Variants in LRFN5 observed in about 807,000 individuals in gnomAD.
LRFN5 encodes the protein leucine rich repeat and fibronectin type III domain containing 5, also known as leucine-rich repeat and fibronectin type-III domain-containing protein 5.
LRFN5 carries 24 observed loss-of-function variants against 45.6 expected under a neutral mutation model. The observed-to-expected ratio is 0.53, with a 90% CI of 0.38 to 0.74. The LOEUF (loss-of-function observed/expected upper bound fraction) is 0.74. Among genes scored for constraint, LRFN5 ranks in the 30% least tolerant of loss-of-function variants. The probability of loss-of-function intolerance (pLI) is 0.00; values close to 1 mark genes in which losing one functional copy is unlikely to be tolerated. For synonymous variants in LRFN5, 340 were observed against 313.8 expected, an observed-to-expected ratio of 1.08 and a Z score of -0.88; for missense variants, 776 against 861.5, an observed-to-expected ratio of 0.90 and a Z score of 1.24.
At chr14:41,826,641 C>A (rs1034899071) in intron 2 of LRFN5, among the ~76,000 whole-genome samples, 1 of 152,044 alleles carries the variant, frequency 6.6e-6, no homozygotes, top group Non-Finnish European at 1.5e-5. Flanking sequence ...TAGGTTTATT[C>A]TTGTCACATA....
intron 3 of LRFN5, among the ~76,000 whole-genome samples, chr14:41,889,495 C>T (rs1339886626): frequency 6.6e-6 from 1 of 152,020 alleles, no homozygotes. Context: ...ATGACAAATA[C>T]CCCTCCCCAC....
Position 41,801,229 on chromosome 14 carries a change from T to C in LRFN5, c.-21+34200T>C, listed in dbSNP as rs75001713. ...TATTCAACCACTCCATATCTGCATA[T>C]AAAAAATGGAACAACAATCCTCCCT... On this transcript the variant is annotated intron_variant, in intron 2 of 5. Coordinates refer to ENST00000298119, the MANE Select transcript of LRFN5 (RefSeq NM_152447.5). Among the ~76,000 whole-genome samples the C allele has an allele frequency of 5.9e-4, 89 of 152,126 alleles. No homozygotes were observed. The East Asian group carries it at 0.015, about 25-fold the overall frequency.
chr14:41,707,914 A>G (rs905052532), intron 1 of LRFN5, among the ~76,000 whole-genome samples: 3 of 152,082 alleles, frequency 2.0e-5, no homozygotes, highest in East Asian at 3.9e-4. Flanking sequence ...TAATGAGGGA[A>G]GGTATTGACC....
chr14:41,834,707 G>A (rs547222085), intron 2 of LRFN5, among the ~76,000 whole-genome samples: 1 of 152,102 alleles, frequency 6.6e-6, no homozygotes, highest in South Asian at 2.1e-4. Context: ...TGTTGCCCAG[G>A]CTGGAGTGCA....
At chr14:41,704,442 C>CTGTGTGTGTGTGTGTGTGTGTG (rs1190054164) in intron 1 of LRFN5, among the ~76,000 whole-genome samples, 3 of 127,770 alleles carry the variant, frequency 2.3e-5, no homozygotes, top group African/African-American at 1.1e-4. Flanking sequence ...CTCTCTCTCT[C>CTGTGTGTGTGTGTGTGTGTGTG]TCTCTCTGTG....
chr14:41,676,912 T>C (rs1403369196), intron 1 of LRFN5, among the ~76,000 whole-genome samples: 2 of 152,084 alleles, frequency 1.3e-5, no homozygotes, highest in Non-Finnish European at 2.9e-5. Flanking sequence ...AGGGATGAAA[T>C]ATGCTACACA....
intron 2 of LRFN5, among the ~76,000 whole-genome samples, chr14:41,886,092 T>A (rs193235849): frequency 6.6e-6 from 1 of 150,886 alleles, no homozygotes; most frequent in Admixed American, 6.6e-5. Context: ...AAAAAATTAA[T>A]CAAGAATTTG....
chr14:41,878,629 A>G (rs915665285), intron 2 of LRFN5, among the ~76,000 whole-genome samples: 16 of 152,280 alleles, frequency 1.1e-4, no homozygotes, highest in African/African-American at 3.8e-4. Flanking sequence ...TATTATCTAA[A>G]TGCATCACTA....
chr14:41,772,334 A>G (rs1056695343), intron 2 of LRFN5, among the ~76,000 whole-genome samples: 5 of 152,212 alleles, frequency 3.3e-5, no homozygotes. Context: ...TCTGATAGAT[A>G]TATTTTCATG....
intron 1 of LRFN5, among the ~76,000 whole-genome samples, chr14:41,635,041 A>G (rs1337702511): frequency 6.6e-6 from 1 of 152,120 alleles, no homozygotes; most frequent in African/African-American, 2.4e-5. Flanking sequence ...GAATTATTAT[A>G]CCATTAGAAC....
At chr14:41,815,463 G>A (rs899711992) in intron 2 of LRFN5, among the ~76,000 whole-genome samples, 13 of 152,232 alleles carry the variant, frequency 8.5e-5, no homozygotes, top group African/African-American at 3.1e-4. Context: ...TCTAGATGCG[G>A]TGGCTCACTG....
intron 1 of LRFN5, among the ~76,000 whole-genome samples, chr14:41,611,228 G>T (rs755769382): frequency 7.4e-4 from 113 of 152,312 alleles, no homozygotes; most frequent in Non-Finnish European, 1.1e-3. Flanking sequence ...GGTGCAGATT[G>T]GAGTTAGGTT....
chr14:41,732,732 G>T (rs8018877), intron 1 of LRFN5, among the ~76,000 whole-genome samples: 6,794 of 150,950 alleles, frequency 0.045, 340 homozygotes, highest in African/African-American at 0.12. Flanking sequence ...AGATGAGATA[G>T]TTCAAGAAAA....
At chr14:41,609,152 T>A (rs188480936) in intron 1 of LRFN5, among the ~76,000 whole-genome samples, 1 of 152,248 alleles carries the variant, frequency 6.6e-6, no homozygotes, top group African/African-American at 2.4e-5. Flanking sequence ...CTGTGTGTCT[T>A]GAGATATGGT....
intron 1 of LRFN5, among the ~76,000 whole-genome samples, chr14:41,646,667 T>C (rs985338801): frequency 6.6e-6 from 1 of 152,232 alleles, no homozygotes; most frequent in Admixed American, 6.5e-5. Flanking sequence ...TTTATGTTAG[T>C]ATATCCTCAT....
intron 2 of LRFN5, among the ~76,000 whole-genome samples, chr14:41,838,563 A>T (rs1888745329): frequency 6.6e-6 from 1 of 152,206 alleles, no homozygotes; most frequent in Non-Finnish European, 1.5e-5. Context: ...TTCCTGGCAG[A>T]TATGTCTTAT....
intron 2 of LRFN5, among the ~76,000 whole-genome samples, chr14:41,886,061 C>A: frequency 1.4e-5 from 2 of 146,476 alleles, no homozygotes; most frequent in Admixed American, 1.4e-4. Context: ...TGATCTATGT[C>A]AAGATAGTTT....
intron 1 of LRFN5, among the ~76,000 whole-genome samples, chr14:41,678,863 A>C (rs1396533054): frequency 6.6e-6 from 1 of 152,190 alleles, no homozygotes; most frequent in Non-Finnish European, 1.5e-5. Flanking sequence ...TAAGAAAGAC[A>C]GTCTTGAATC....
intron 1 of LRFN5, among the ~76,000 whole-genome samples, chr14:41,679,327 T>C (rs1295310078): frequency 6.6e-6 from 1 of 152,008 alleles, no homozygotes; most frequent in Non-Finnish European, 1.5e-5. Context: ...GCAGCACAGC[T>C]AGCAGCTCTG....
Sources: gnomAD v4.1 joint callset for allele counts (sites outside exome capture counted in the v4.1 genomes callset) on GRCh38, gnomAD v4.1.1 for gene constraint, MANE v1.5 for transcripts, NCBI Gene and HGNC (gene_info 2026-07-23, HGNC 2026-07-21) for gene names.